Variants in NEK10 observed in about 807,000 individuals in gnomAD.
The protein encoded by NEK10 is NIMA related kinase 10, also known as serine/threonine-protein kinase Nek10.
Under a neutral mutation model 159.8 loss-of-function variants are expected in NEK10, and 122 were observed. The ratio of observed to expected loss-of-function variants is 0.76; its 90% CI spans 0.66 to 0.89. The LOEUF is 0.89. Ranked by LOEUF, NEK10 falls within the 40% of genes least tolerant of loss-of-function variation. The pLI is 0.00. For synonymous variants in NEK10, 466 were observed against 457.1 expected, an observed-to-expected ratio of 1.02 and a Z score of -0.25; for missense variants, 1,342 against 1,323.1, an observed-to-expected ratio of 1.01 and a Z score of -0.22.
intron 31 of NEK10, among the ~76,000 whole-genome samples, chr3:27,133,554 C>T (rs1050944632): frequency 6.6e-6 from 1 of 152,138 alleles, no homozygotes; most frequent in Non-Finnish European, 1.5e-5. Context: ...GCAGGAGGAT[C>T]ACCTGAGGTA....
At position 27,322,400 on chromosome 3, in the gene NEK10, T is replaced by C. The variant is rs1239690856; in HGVS notation, c.363-139A>G. 11 of 622,770 alleles carry C rather than the reference T, an allele frequency of 1.8e-5. No homozygotes were observed. In the Admixed American group the frequency reaches 3.0e-4, roughly 17 times the overall value. The allele number at this position is 622,770 out of a possible 1,614,324, so 38.6% of individuals were successfully genotyped here. ...GCACTGGGGACTGTTATTTGGTACT[T>C]GAACACTTGACTCATTTTAATTCAA... On this transcript the variant is annotated intron_variant, in intron 5 of 35. Coordinates refer to ENST00000691995, the MANE Select transcript of NEK10 (RefSeq NM_001394966.1).
At chr3:27,260,167 G>A (rs1280697646) in intron 22 of NEK10, among the ~76,000 whole-genome samples, 14 of 152,168 alleles carry the variant, frequency 9.2e-5, no homozygotes, top group Middle Eastern at 3.4e-3. Context: ...ATCTGCAAAC[G>A]GGGACAATTT....
At chr3:27,212,920 C>G (rs1951145705) in intron 23 of NEK10, among the ~76,000 whole-genome samples, 1 of 152,172 alleles carries the variant, frequency 6.6e-6, no homozygotes, top group South Asian at 2.1e-4. Context: ...CCAATTCATG[C>G]TGACTTCCTA....
At chr3:27,255,214 G>A in intron 23 of NEK10, 1 of 311,316 alleles carries the variant, frequency 3.2e-6, no homozygotes, top group South Asian at 2.8e-5. Context: ...CAGCCTTACT[G>A]TTAAGAGGAT....
chr3:27,251,152 G>A (rs1955620269), intron 23 of NEK10, among the ~76,000 whole-genome samples: 1 of 152,144 alleles, frequency 6.6e-6, no homozygotes, highest in African/African-American at 2.4e-5. Flanking sequence ...TGAGGAAACT[G>A]AGGCACAGAA....
intron 3 of NEK10, 115 bp from the exon 4 acceptor site, chr3:27,346,331 G>T: frequency 9.4e-7 from 1 of 1,062,978 alleles, no homozygotes; most frequent in Non-Finnish European, 1.4e-6. Flanking sequence ...CAATAATTAA[G>T]ATAACAACCC....
intron 8 of NEK10, chr3:27,311,890 G>T: frequency 2.0e-6 from 1 of 493,466 alleles, no homozygotes; most frequent in South Asian, 3.2e-5. Flanking sequence ...AATAAATTGT[G>T]CTTTTCAAGG....
chr3:27,154,483 G>T (rs906063109), intron 30 of NEK10, among the ~76,000 whole-genome samples: 2 of 152,012 alleles, frequency 1.3e-5, no homozygotes. Context: ...AACCAGGATA[G>T]GACATAATCA....
intron 23 of NEK10, among the ~76,000 whole-genome samples, 181 bp from the exon 24 acceptor site, chr3:27,202,738 A>G (rs186935435): frequency 6.6e-6 from 1 of 152,334 alleles, no homozygotes; most frequent in African/African-American, 2.4e-5. Context: ...TGAACCAGGA[A>G]GCATATCAAT....
At chr3:27,166,758 G>A (rs982163537) in intron 29 of NEK10, among the ~76,000 whole-genome samples, 5 of 151,990 alleles carry the variant, frequency 3.3e-5, no homozygotes, top group Non-Finnish European at 7.4e-5. Context: ...TCAAGAGTTC[G>A]AGACCAGCCT....
At position 27,215,673 on chromosome 3, in the gene NEK10, C is replaced by A. The variant is rs1951440317; in HGVS notation, c.2091-13116G>T. On this transcript the variant is annotated intron_variant, in intron 23 of 35. Transcript: ENST00000691995. ...AGTGTATGAATCCGTTCTTGCACTA[C>A]TACAAAGAAATACCTGAGACTAGGT... is the stretch of plus-strand genomic sequence containing the variant. 6.4e-6 allele frequency: 4 copies of A among 625,626 alleles called. No homozygotes were observed. In the South Asian group the frequency reaches 7.7e-5, roughly 12 times the overall value. The allele number at this position is 625,626 out of a possible 1,614,324, so 38.8% of individuals were successfully genotyped here.
chr3:27,237,864 CA>C (rs1427805738), intron 23 of NEK10, among the ~76,000 whole-genome samples: 2 of 152,144 alleles, frequency 1.3e-5, no homozygotes, highest in Non-Finnish European at 2.9e-5. Flanking sequence ...GTCATCCTTG[CA>C]AAACCAGCTC....
At chr3:27,167,167 A>T (rs1237106709) in intron 29 of NEK10, among the ~76,000 whole-genome samples, 1 of 136,386 alleles carries the variant, frequency 7.3e-6, no homozygotes, top group Non-Finnish European at 1.6e-5. Context: ...AGGATCCTTT[A>T]AAAAAAAAAA....
rs771050920 is a variant in NEK10, at chr3:27,119,856, A to T, written c.3094T>A (p.Ser1032Thr). 1 of 1,613,418 alleles carries T rather than the reference A, an allele frequency of 6.2e-7. No individual in the cohort carries two copies. The highest frequency in any genetic ancestry group is 2.2e-5 in the East Asian group (1 of 44,850). Residue 1032 changes from serine (S) to threonine (T), a missense_variant, in exon 33 of 36, where the codon TCT (serine) becomes ACT (threonine). By Grantham distance (58) the Ser-to-Thr change is moderately conservative. Transcript: ENST00000691995. ...AAGTTGGGCTCAATCGGTTCTGGAG[A>T]TCCCTGAGATAACTGAAATAGAAAA... ...KSEIKKLSQGSPEPIEPNFFT... is the reference protein window; with the variant it reads ...KSEIKKLSQGTPEPIEPNFFT...
chr3:27,340,014 T>C (rs2047089354), intron 5 of NEK10, among the ~76,000 whole-genome samples: 1 of 152,028 alleles, frequency 6.6e-6, no homozygotes, highest in South Asian at 2.1e-4. Context: ...CTGTGTAATA[T>C]CCAAAGTATT....
At chr3:27,258,900 T>C (rs2040139760) in intron 22 of NEK10, among the ~76,000 whole-genome samples, 1 of 152,188 alleles carries the variant, frequency 6.6e-6, no homozygotes, top group South Asian at 2.1e-4. Flanking sequence ...GACTTTTTAA[T>C]GATCGTCATT....
intron 23 of NEK10, among the ~76,000 whole-genome samples, chr3:27,249,173 C>G (rs1372433395): frequency 6.6e-6 from 1 of 152,170 alleles, no homozygotes; most frequent in Non-Finnish European, 1.5e-5. Context: ...CTTCCTGCTG[C>G]CTTGTAAAGA....
intron 23 of NEK10, chr3:27,216,452 A>G (rs11129270): frequency 0.63 from 95,801 of 152,188 alleles, 31,821 homozygotes; most frequent in African/African-American, 0.86. Context: ...ATGCCCTTGT[A>G]TAGTCCCTCC....
At chr3:27,298,512 T>A (rs75437323) in intron 13 of NEK10, among the ~76,000 whole-genome samples, 1 of 152,156 alleles carries the variant, frequency 6.6e-6, no homozygotes, top group Non-Finnish European at 1.5e-5. Flanking sequence ...AATGGACTAA[T>A]AGAGTAAATT....
Sources: gnomAD v4.1 joint callset for allele counts (sites outside exome capture counted in the v4.1 genomes callset) on GRCh38, gnomAD v4.1.1 for gene constraint, MANE v1.5 for transcripts, NCBI Gene and HGNC (gene_info 2026-07-23, HGNC 2026-07-21) for gene names.